RANBP2: variants seen among roughly 807,000 people sequenced by gnomAD.
RANBP2 encodes E3 SUMO-protein ligase RanBP2.
A neutral mutation model predicts 303.6 loss-of-function variants in RANBP2; 57 were observed. The ratio of observed to expected loss-of-function variants is 0.19; its 90% confidence interval spans 0.15 to 0.23. The LOEUF (loss-of-function observed/expected upper bound fraction) is 0.23. Among genes scored for constraint, RANBP2 ranks in the 10% least tolerant of loss-of-function variants. RANBP2 has a pLI of 1.00. For synonymous variants in RANBP2, 1,167 were observed against 1,301.5 expected (o/e 0.90, Z 2.23); for missense variants, 3,138 against 3,780.8 (o/e 0.83, Z 4.46).
the RANBP2 span, among the ~76,000 whole-genome samples, chr2:109,024,495 CAGTG>C: frequency 3.1e-4 from 47 of 152,306 alleles, no homozygotes; most frequent in Non-Finnish European, 5.3e-4. Flanking sequence ...AAAATTCTAA[CAGTG>C]AGAAAATTAC....
At chr2:109,133,192 T>G in the RANBP2 span, among the ~76,000 whole-genome samples, 1 of 152,228 alleles carries the variant, frequency 6.6e-6, no homozygotes, top group Non-Finnish European at 1.5e-5. Flanking sequence ...GGAAGGACAT[T>G]GTCACAAATT....
the RANBP2 span, among the ~76,000 whole-genome samples, chr2:108,860,633 T>G: frequency 2.0e-5 from 3 of 152,120 alleles, no homozygotes; most frequent in Non-Finnish European, 2.9e-5. Flanking sequence ...GAATCATCCT[T>G]GCATCTGAGG....
downstream of RANBP2, among the ~76,000 whole-genome samples, chr2:108,786,371 A>C (rs1027537129): frequency 4.0e-5 from 6 of 151,378 alleles, no homozygotes; most frequent in African/African-American, 1.5e-4. Context: ...CCGGGACTAC[A>C]CGCGCGCCAC....
the RANBP2 span, among the ~76,000 whole-genome samples, chr2:109,154,385 C>T: frequency 6.6e-6 from 1 of 152,174 alleles, no homozygotes; most frequent in Non-Finnish European, 1.5e-5. Context: ...TACAGATACA[C>T]AGAAGGCCCC....
chr2:109,045,427 C>T, the RANBP2 span, among the ~76,000 whole-genome samples: 4 of 152,246 alleles, frequency 2.6e-5, no homozygotes, highest in African/African-American at 7.2e-5. Flanking sequence ...GTTAGCCCAG[C>T]GAGGAAGGGC....
At chr2:109,432,616 C>G in the RANBP2 span, 7 of 1,613,238 alleles carry the variant, frequency 4.3e-6, no homozygotes, top group Non-Finnish European at 5.9e-6. Flanking sequence ...GGGGGCGTCT[C>G]TGAGGACCGG....
the RANBP2 span, among the ~76,000 whole-genome samples, chr2:109,755,204 G>C: frequency 1.6e-5 from 2 of 122,674 alleles, no homozygotes; most frequent in African/African-American, 6.7e-5. Context: ...TTGGTGGGGG[G>C]GGGCCCAAGC....
chr2:108,909,891 AGT>A, the RANBP2 span, among the ~76,000 whole-genome samples: 4 of 152,236 alleles, frequency 2.6e-5, no homozygotes, highest in Admixed American at 6.5e-5. Flanking sequence ...GCTGTTCACT[AGT>A]GTGTGACCTT....
chr2:109,583,935 A>T, the RANBP2 span, among the ~76,000 whole-genome samples: 1 of 152,188 alleles, frequency 6.6e-6, no homozygotes, highest in East Asian at 1.9e-4. Flanking sequence ...GTGGGATCTA[A>T]ACATTGGGTA....
chr2:109,539,632 C>T, the RANBP2 span, among the ~76,000 whole-genome samples: 4 of 152,202 alleles, frequency 2.6e-5, no homozygotes, highest in South Asian at 2.1e-4. Context: ...TTACTAGAGA[C>T]GGGGTTTCAT....
the RANBP2 span, chr2:109,544,368 A>G: frequency 6.4e-7 from 1 of 1,555,914 alleles, no homozygotes; most frequent in Non-Finnish European, 8.6e-7. Flanking sequence ...TTTAAAAAAA[A>G]TTCAAGTAAA....
intron 24 of RANBP2, among the ~76,000 whole-genome samples, chr2:108,776,844 T>C (rs1051667365): frequency 1.4e-4 from 22 of 152,204 alleles, no homozygotes; most frequent in African/African-American, 4.1e-4. Context: ...GCAGAAACTG[T>C]AGTTTAATAT....
chr2:109,274,700 A>G, the RANBP2 span, among the ~76,000 whole-genome samples: 9 of 152,338 alleles, frequency 5.9e-5, no homozygotes, highest in South Asian at 1.9e-3. Flanking sequence ...ATGTTCTGAT[A>G]GATAGAGGTC....
the RANBP2 span, chr2:109,553,245 C>T: frequency 1.1e-5 from 18 of 1,611,272 alleles, no homozygotes; most frequent in South Asian, 8.8e-5. Flanking sequence ...TGTTACTCTC[C>T]TGCTAAAAAG....
At chr2:109,670,865 G>T in the RANBP2 span, among the ~76,000 whole-genome samples, 15 of 152,296 alleles carry the variant, frequency 9.8e-5, 1 homozygote, top group East Asian at 2.9e-3. Flanking sequence ...GGCTGGGTCT[G>T]AGTTTCTGCT....
chr2:109,083,378 T>C, the RANBP2 span, among the ~76,000 whole-genome samples: 1 of 152,196 alleles, frequency 6.6e-6, no homozygotes, highest in African/African-American at 2.4e-5. Context: ...CTCATATTAA[T>C]GAAACCACAC....
chr2:108,909,638 C>T, the RANBP2 span, among the ~76,000 whole-genome samples: 1 of 152,154 alleles, frequency 6.6e-6, no homozygotes, highest in African/African-American at 2.4e-5. Flanking sequence ...GAGCACATTG[C>T]CTGGCTGGGA....
At chr2:109,101,050 G>A in the RANBP2 span, among the ~76,000 whole-genome samples, 1 of 152,076 alleles carries the variant, frequency 6.6e-6, no homozygotes, top group East Asian at 1.9e-4. Flanking sequence ...ATAATTTCAG[G>A]TAACTGCCTG....
chr2:109,429,515 C>T, the RANBP2 span, among the ~76,000 whole-genome samples: 2 of 152,160 alleles, frequency 1.3e-5, no homozygotes. Flanking sequence ...GGCAGCATCT[C>T]CCTACGCGTT....
Sources: allele counts gnomAD v4.1 joint callset (sites outside exome capture counted in the v4.1 genomes callset), GRCh38; gene constraint gnomAD v4.1.1; transcripts MANE v1.5; gene names NCBI Gene and HGNC (gene_info 2026-07-23, HGNC 2026-07-21).